Variants in PPP2R3B observed in about 807,000 individuals in gnomAD.
PPP2R3B encodes the protein protein phosphatase 2 regulatory subunit B''beta, also known as serine/threonine-protein phosphatase 2A regulatory subunit B'' subunit beta.
PPP2R3B carries 68 observed loss-of-function variants against 72.9 expected under a neutral mutation model. That is an observed-to-expected ratio of 0.93 (90% CI 0.77 to 1.14). The LOEUF is 1.14. Ranked by LOEUF, PPP2R3B falls within the 50% of genes most tolerant of loss-of-function variation. The pLI is 0.00. For synonymous variants in PPP2R3B, 466 were observed against 375.8 expected (o/e 1.24, Z -2.78); for missense variants, 1,018 against 842.0 (o/e 1.21, Z -2.59).
chrX:369,921 G>C, intron 1 of PPP2R3B, among the ~76,000 whole-genome samples: 2 of 152,302 alleles, frequency 1.3e-5, no homozygotes, highest in Admixed American at 1.3e-4. Context: ...TCAGGGACGG[G>C]GGGTTTGGCC....
Position 348,581 on chromosome X carries a change from A to AAAAAAAAAAAAAAAAG in PPP2R3B, c.511-889_511-888insCTTTTTTTTTTTTTTT, listed in dbSNP as rs111787156. Among the ~76,000 whole-genome samples, 440 of 144,398 alleles carry AAAAAAAAAAAAAAAAG rather than the reference A, an allele frequency of 3.0e-3. 12 individuals carry two copies. The highest frequency in any genetic ancestry group is 0.021 in the South Asian group (93 of 4,508). The allele number at this position is 144,398 out of a possible 152,430, so 94.7% of individuals were successfully genotyped here. A position where few individuals can be genotyped will look rare whatever the true frequency, so the allele number is the denominator to read the frequency against. On this transcript the variant is annotated intron_variant, in intron 2 of 12. Coordinates refer to ENST00000390665, the MANE Select transcript of PPP2R3B (RefSeq NM_013239.5). ...ACAGAGAGAGACTCTGTCTCAAAAA[A>AAAAAAAAAAAAAAAAG]AGAGCAAATACAGATTAGCCATGTC...
chrX:347,454 G>A (rs992628760), intron 3 of PPP2R3B, 118 bp from the exon 4 acceptor site: 24 of 1,342,794 alleles, frequency 1.8e-5, no homozygotes, highest in Middle Eastern at 2.4e-4. Flanking sequence ...GGCCACACAC[G>A]ACGGCCAGGC....
chrX:363,292 GCAGTGCATCTCCCCGAGCCCACCATCCCA>G (rs1206339563), intron 1 of PPP2R3B, among the ~76,000 whole-genome samples: 12 of 5,264 alleles, frequency 2.3e-3, no homozygotes, highest in African/African-American at 4.3e-3. Context: ...CCACGATCCC[GCAGTGCATCTCCCCGAGCCCACCATCCCA>G]CAGTGCATCT....
intron 1 of PPP2R3B, among the ~76,000 whole-genome samples, chrX:374,802 C>A (rs1406077787): frequency 6.6e-6 from 1 of 152,166 alleles, no homozygotes; most frequent in East Asian, 1.9e-4. Flanking sequence ...CGCTGCCGCA[C>A]GCTCTGTTGA....
At chrX:342,156 G>C (rs2071093785) in intron 7 of PPP2R3B, 2 of 618,260 alleles carry the variant, frequency 3.2e-6, no homozygotes, top group Non-Finnish European at 5.8e-6. Context: ...AGAGCGCAAA[G>C]CTGACCGCGG....
intron 1 of PPP2R3B, among the ~76,000 whole-genome samples, chrX:367,800 C>T (rs2071754671): frequency 6.6e-6 from 1 of 152,224 alleles, no homozygotes; most frequent in Non-Finnish European, 1.5e-5. Context: ...ACACAGAGGA[C>T]AGAAAGACAG....
chrX:377,972 A>ACACC (rs1163006295), intron 1 of PPP2R3B, among the ~76,000 whole-genome samples: 3 of 119,418 alleles, frequency 2.5e-5, no homozygotes, highest in South Asian at 2.8e-4. Context: ...CGGGCCGTCT[A>ACACC]CAGTGGGGCC....
Position 386,760 on chromosome X carries a change from C to G in PPP2R3B, c.-69G>C. On this transcript the variant is annotated 5_prime_UTR_variant, in exon 1 of 13. Transcript: ENST00000390665. Reference sequence around the variant, plus strand: ...CCCCGCCCCGGGGGCTTCGGTCCGCCCCGGACCGACCTCGGTGATGCGAGC... The same window carrying G: ...CCCCGCCCCGGGGGCTTCGGTCCGCGCCGGACCGACCTCGGTGATGCGAGC... 1 of 1,001,100 alleles carries G rather than the reference C, an allele frequency of 1.0e-6. No homozygotes were observed. Among genetic ancestry groups the G allele is most frequent in the Non-Finnish European group, 1.3e-6 (1 of 795,518 alleles). 62.0% of individuals were successfully genotyped at this position (1,001,100 alleles called of 1,614,324 possible).
chrX:383,837 C>CAAAAAAAAAAAAAAAAAAA (rs757960788), intron 1 of PPP2R3B, among the ~76,000 whole-genome samples: 5 of 45,620 alleles, frequency 1.1e-4, no homozygotes, highest in Admixed American at 7.3e-4. Flanking sequence ...GACTCCGTCT[C>CAAAAAAAAAAAAAAAAAAA]AAAAAAAAAA....
chrX:374,884 A>G (rs2071955273), intron 1 of PPP2R3B, among the ~76,000 whole-genome samples: 1 of 151,886 alleles, frequency 6.6e-6, no homozygotes, highest in Non-Finnish European at 1.5e-5. Context: ...TGCCCTGAAA[A>G]ACGTCTGTGT....
chrX:381,357 C>T (rs1332418942), intron 1 of PPP2R3B, among the ~76,000 whole-genome samples: 1 of 152,152 alleles, frequency 6.6e-6, no homozygotes, highest in Non-Finnish European at 1.5e-5. Context: ...TAAAACAATG[C>T]CGTTCCTTTC....
intron 1 of PPP2R3B, among the ~76,000 whole-genome samples, chrX:362,644 C>T (rs1200691125): frequency 1.3e-5 from 2 of 152,250 alleles, no homozygotes; most frequent in South Asian, 4.1e-4. Flanking sequence ...CCTCAACCAA[C>T]TGCCATGGAG....
chrX:353,069 A>G (rs2071363164), intron 2 of PPP2R3B, among the ~76,000 whole-genome samples: 1 of 151,804 alleles, frequency 6.6e-6, no homozygotes. Flanking sequence ...GTGAGATCCG[A>G]TGGTCTAAAA....
chrX:357,292 C>T (rs753783342), intron 2 of PPP2R3B, among the ~76,000 whole-genome samples: 1 of 152,136 alleles, frequency 6.6e-6, no homozygotes, highest in African/African-American at 2.4e-5. Flanking sequence ...TGTGCTTTAC[C>T]AAAATGGATC....
chrX:385,254 G>C (rs1161763244), intron 1 of PPP2R3B, among the ~76,000 whole-genome samples: 1 of 150,694 alleles, frequency 6.6e-6, no homozygotes. Context: ...TATACACTTG[G>C]CCAACCCACT....
intron 5 of PPP2R3B, 36 bp from the exon 6 acceptor site, chrX:346,296 G>T: frequency 6.5e-7 from 1 of 1,534,756 alleles, no homozygotes. Flanking sequence ...GGTGCGCAGA[G>T]ACCCCCAGGA....
chrX:372,012 G>A (rs948564702), intron 1 of PPP2R3B, among the ~76,000 whole-genome samples: 7 of 152,090 alleles, frequency 4.6e-5, no homozygotes, highest in Admixed American at 6.6e-5. Context: ...CAGGTGCATC[G>A]TCACCACAGC....
intron 1 of PPP2R3B, among the ~76,000 whole-genome samples, chrX:380,938 CTTTTTT>C (rs774073061): frequency 2.2e-5 from 3 of 138,200 alleles, no homozygotes; most frequent in Non-Finnish European, 4.7e-5. Flanking sequence ...CGTTTTCTTT[CTTTTTT>C]TTTTTTTTAG....
chrX:351,809 C>T (rs376554022), intron 2 of PPP2R3B, among the ~76,000 whole-genome samples: 63 of 152,348 alleles, frequency 4.1e-4, no homozygotes, highest in African/African-American at 1.4e-3. Context: ...GCAATCCTCC[C>T]ACCTTAGCCT....
Sources: gnomAD v4.1 joint callset for allele counts (sites outside exome capture counted in the v4.1 genomes callset) on GRCh38, gnomAD v4.1.1 for gene constraint, MANE v1.5 for transcripts, NCBI Gene and HGNC (gene_info 2026-07-23, HGNC 2026-07-21) for gene names.